PPP1R1C: variants seen among roughly 807,000 people sequenced by gnomAD.
The protein encoded by PPP1R1C is protein phosphatase 1 regulatory inhibitor subunit 1C, also known as protein phosphatase 1 regulatory subunit 1C.
A neutral mutation model predicts 17.4 loss-of-function variants in PPP1R1C; 15 were observed. The ratio of observed to expected loss-of-function variants is 0.86; its 90% CI spans 0.58 to 1.33. The LOEUF (loss-of-function observed/expected upper bound fraction) is 1.33, where lower values mean the gene tolerates loss of function less well. Ranked by LOEUF, PPP1R1C falls within the 40% of genes most tolerant of loss-of-function variation. The pLI is 0.00. For missense variants in PPP1R1C, 143 were observed against 130.0 expected (o/e 1.10, Z -0.48); for synonymous variants, 35 against 43.1 (o/e 0.81, Z 0.73).
chr2:182,009,852 T>G (rs1686038429), intron 2 of PPP1R1C, among the ~76,000 whole-genome samples: 1 of 152,152 alleles, frequency 6.6e-6, no homozygotes, highest in African/African-American at 2.4e-5. Context: ...GATATCCAGT[T>G]TTTCCAGAAC....
chr2:182,002,930 T>TCCCC (rs36118410), intron 2 of PPP1R1C, among the ~76,000 whole-genome samples: 2 of 74,632 alleles, frequency 2.7e-5, no homozygotes, highest in African/African-American at 6.4e-5. Flanking sequence ...GCCATAAACC[T>TCCCC]CCCCCCCCCC....
chr2:182,038,724 A>G (rs1687091089), intron 2 of PPP1R1C, among the ~76,000 whole-genome samples: 1 of 152,160 alleles, frequency 6.6e-6, no homozygotes, highest in Non-Finnish European at 1.5e-5. Context: ...GTGTGTGCCT[A>G]ATGTGTTTGG....
intron 1 of PPP1R1C, among the ~76,000 whole-genome samples, chr2:181,963,627 A>G (rs1451150918): frequency 6.6e-6 from 1 of 152,236 alleles, no homozygotes; most frequent in African/African-American, 2.4e-5. Context: ...TCTGGGCTAC[A>G]GAGAGAAACT....
intron 4 of PPP1R1C, among the ~76,000 whole-genome samples, chr2:182,106,267 T>G (rs1283167686): frequency 6.6e-6 from 1 of 152,150 alleles, no homozygotes; most frequent in Non-Finnish European, 1.5e-5. Context: ...AGCCCCAATG[T>G]TGCATTTTCC....
chr2:182,084,426 T>C (rs1432480022), intron 4 of PPP1R1C, among the ~76,000 whole-genome samples: 1 of 152,102 alleles, frequency 6.6e-6, no homozygotes, highest in East Asian at 1.9e-4. Context: ...TTTAATCCAA[T>C]TTGAGTTGAT....
chr2:182,111,872 A>G (rs78336227), intron 4 of PPP1R1C, among the ~76,000 whole-genome samples: 2,592 of 152,168 alleles, frequency 0.017, 39 homozygotes, highest in South Asian at 0.058. Context: ...TCCTTTGTAT[A>G]TAGGATGATT....
intron 2 of PPP1R1C, among the ~76,000 whole-genome samples, chr2:181,989,280 A>T (rs965463399): frequency 6.6e-6 from 1 of 152,166 alleles, no homozygotes; most frequent in African/African-American, 2.4e-5. Context: ...CATGTAAGTG[A>T]CCTTCATCCT....
intron 4 of PPP1R1C, among the ~76,000 whole-genome samples, chr2:182,077,286 T>A (rs1688343382): frequency 6.6e-6 from 1 of 152,208 alleles, no homozygotes; most frequent in African/African-American, 2.4e-5. Flanking sequence ...ATACATTTTG[T>A]GAGAGCTGAA....
chr2:182,027,366 T>A (rs1686650384), intron 2 of PPP1R1C, among the ~76,000 whole-genome samples: 2 of 143,684 alleles, frequency 1.4e-5, no homozygotes, highest in South Asian at 4.6e-4. Context: ...ATAGCTCTTA[T>A]TATTTTGAAA....
intron 4 of PPP1R1C, among the ~76,000 whole-genome samples, chr2:182,101,581 T>C (rs1333370093): frequency 6.6e-6 from 1 of 152,200 alleles, no homozygotes; most frequent in Non-Finnish European, 1.5e-5. Flanking sequence ...GCAGAGAATA[T>C]GGAATAAAAG....
In PPP1R1C at chr2:182,091,238, C is replaced by G. The variant is rs139985718; in HGVS notation, c.242-25969C>G. ...CCCCACACCCAGAAGAATTATATCT[C>G]AGAAGCCAAGGGAAGTCAAATATTC... is the stretch of plus-strand genomic sequence containing the variant. On this transcript the variant is annotated intron_variant, in intron 4 of 4. Coordinates refer to ENST00000682840, the MANE Select transcript of PPP1R1C (RefSeq NM_001080545.3). Among the ~76,000 whole-genome samples the G allele has an allele frequency of 7.9e-5, 12 of 152,240 alleles. No homozygotes were observed. The South Asian group carries it at 2.3e-3, about 29-fold the overall frequency.
At chr2:182,087,155 C>T (rs184548282) in intron 4 of PPP1R1C, among the ~76,000 whole-genome samples, 107 of 152,358 alleles carry the variant, frequency 7.0e-4, no homozygotes, top group Non-Finnish European at 1.2e-3. Context: ...TAGTTTTCAC[C>T]TGGACTACTG....
At position 182,030,511 on chromosome 2, in the gene PPP1R1C, C is replaced by G. The variant is rs1309829739; in HGVS notation, c.143-30931C>G. On this transcript the variant is annotated intron_variant, in intron 2 of 4. Transcript: ENST00000682840. ...TGTGCCCCTGCTGGGGGGTGCCTCC[C>G]AGTTAGGCTGCTCGGGGGTCAGGGG... Among the ~76,000 whole-genome samples the G allele has an allele frequency of 2.7e-5, 4 of 150,202 alleles. No individual in the cohort carries two copies. The East Asian group carries it at 5.9e-4, about 22-fold the overall frequency.
chr2:182,070,636 C>T (rs1190842924), intron 4 of PPP1R1C, among the ~76,000 whole-genome samples: 1 of 152,154 alleles, frequency 6.6e-6, no homozygotes, highest in Non-Finnish European at 1.5e-5. Context: ...ATTTATGTCT[C>T]ATGTTAGTAT....
intron 2 of PPP1R1C, among the ~76,000 whole-genome samples, chr2:181,977,433 G>T (rs1685114025): frequency 6.6e-6 from 1 of 151,762 alleles, no homozygotes; most frequent in Non-Finnish European, 1.5e-5. Flanking sequence ...TAACATTTGG[G>T]TTTATCAGAA....
At chr2:182,012,386 C>G (rs1686110919) in intron 2 of PPP1R1C, among the ~76,000 whole-genome samples, 1 of 151,788 alleles carries the variant, frequency 6.6e-6, no homozygotes, top group South Asian at 2.1e-4. Context: ...TATAGTTTTT[C>G]TCTCAAAGTT....
At position 181,961,994 on chromosome 2, in the gene PPP1R1C, T is replaced by C. The variant is rs1426007803; in HGVS notation, n.111+7360T>C. ...TGTCTCATACTTGACTCTAAAGTCA[T>C]CGGCTGCAAGACAGGCATTGTCAAT... On this transcript the variant is annotated intron_variant and non_coding_transcript_variant, in intron 1 of 5. Coordinates refer to the PPP1R1C transcript ENST00000464264. This position sits in a 1 kb window ranked among gnomAD's most constrained non-coding sequence, Gnocchi z 5.8. The C allele has an allele frequency of 4.1e-6, 3 of 732,162 alleles. No individual in the cohort carries two copies. Among genetic ancestry groups the C allele is most frequent in the Non-Finnish European group, 7.6e-6 (3 of 396,446 alleles). The allele number at this position is 732,162 out of a possible 1,614,324, so 45.4% of individuals were successfully genotyped here.
chr2:182,000,700 T>C (rs1234947758), intron 2 of PPP1R1C, among the ~76,000 whole-genome samples: 1 of 152,200 alleles, frequency 6.6e-6, no homozygotes. Flanking sequence ...CAACTAGAAG[T>C]AAGCCATTAA....
chr2:182,120,038 A>G (rs567800315), downstream of PPP1R1C, among the ~76,000 whole-genome samples: 272 of 152,224 alleles, frequency 1.8e-3, no homozygotes, highest in Non-Finnish European at 3.5e-3. Flanking sequence ...TTATGGTTTT[A>G]GGTCTAACAT....
Sources: allele counts gnomAD v4.1 joint callset (sites outside exome capture counted in the v4.1 genomes callset), GRCh38; gene constraint gnomAD v4.1.1; non-coding constraint Gnocchi (gnomAD v3.1); transcripts MANE v1.5; gene names NCBI Gene and HGNC (gene_info 2026-07-23, HGNC 2026-07-21).